NLGN1: variants seen among roughly 807,000 people sequenced by gnomAD.
NLGN1 encodes neuroligin-1.
NLGN1 carries 12 observed loss-of-function variants against 65.5 expected under a neutral mutation model. That is an observed-to-expected ratio of 0.18 (90% confidence interval 0.12 to 0.30). NLGN1 has a LOEUF of 0.30. Ranked by LOEUF, NLGN1 falls within the 10% of genes least tolerant of loss-of-function variation. The pLI is 1.00. For synonymous variants in NLGN1, 350 were observed against 359.5 expected, an observed-to-expected ratio of 0.97 and a Z score of 0.30; for missense variants, 750 against 1,007.1, an observed-to-expected ratio of 0.74 and a Z score of 3.46.
chr3:173,648,602 T>G (rs1025847857), intron 3 of NLGN1, among the ~76,000 whole-genome samples: 33 of 152,038 alleles, frequency 2.2e-4, no homozygotes, highest in African/African-American at 6.5e-4. Flanking sequence ...TTAGACAAAG[T>G]CTCACTTTAT....
intron 2 of NLGN1, among the ~76,000 whole-genome samples, chr3:173,453,431 A>T (rs969840273): frequency 6.6e-6 from 1 of 151,558 alleles, no homozygotes; most frequent in African/African-American, 2.4e-5. Flanking sequence ...ACATTGATTG[A>T]TCCTTCCTTT....
intron 4 of NLGN1, among the ~76,000 whole-genome samples, chr3:174,027,210 A>T (rs780029143): frequency 1.7e-4 from 26 of 152,180 alleles, no homozygotes; most frequent in Non-Finnish European, 3.2e-4. Flanking sequence ...AATGTTCTTT[A>T]TCCAGCTGTC....
At chr3:173,862,318 A>G (rs973149045) in intron 4 of NLGN1, among the ~76,000 whole-genome samples, 1 of 151,326 alleles carries the variant, frequency 6.6e-6, no homozygotes, top group African/African-American at 2.4e-5. Context: ...CATCCCGGCT[A>G]AAACGGTGAA....
At chr3:173,478,784 G>T (rs941437554) in intron 2 of NLGN1, among the ~76,000 whole-genome samples, 8 of 151,986 alleles carry the variant, frequency 5.3e-5, no homozygotes, top group Non-Finnish European at 1.0e-4. Context: ...TACTCCAGGG[G>T]CTGAGGCATG....
intron 5 of NLGN1, among the ~76,000 whole-genome samples, chr3:174,276,427 T>C (rs533457498): frequency 5.3e-5 from 8 of 151,854 alleles, no homozygotes; most frequent in Non-Finnish European, 1.0e-4. Flanking sequence ...TTATGTATGA[T>C]AGGAAGACAG....
At chr3:173,472,900 G>C (rs941279602) in intron 2 of NLGN1, among the ~76,000 whole-genome samples, 2 of 152,096 alleles carry the variant, frequency 1.3e-5, no homozygotes, top group African/African-American at 4.8e-5. Flanking sequence ...TGCCCCTTTA[G>C]GAGTCTGTTG....
intron 3 of NLGN1, among the ~76,000 whole-genome samples, chr3:173,721,608 A>G (rs1770847396): frequency 6.6e-6 from 1 of 152,204 alleles, no homozygotes; most frequent in Non-Finnish European, 1.5e-5. Context: ...TTTATTTTAC[A>G]ACAACCCATT....
At chr3:173,823,559 G>C (rs1326877868) in intron 4 of NLGN1, among the ~76,000 whole-genome samples, 2 of 151,906 alleles carry the variant, frequency 1.3e-5, no homozygotes, top group Non-Finnish European at 2.9e-5. Context: ...CAATACAGTT[G>C]TGCATAACAG....
intron 3 of NLGN1, among the ~76,000 whole-genome samples, chr3:173,624,461 CCT>C (rs1164323739): frequency 6.6e-6 from 1 of 152,066 alleles, no homozygotes; most frequent in Non-Finnish European, 1.5e-5. Context: ...TGCTGTTTTC[CCT>C]GTTTCCAAGA....
intron 1 of NLGN1, among the ~76,000 whole-genome samples, chr3:173,405,416 C>T (rs1209299522): frequency 1.3e-5 from 2 of 151,886 alleles, no homozygotes; most frequent in African/African-American, 4.8e-5. Context: ...ACTATGCCTC[C>T]ACTACTGCTT....
intron 4 of NLGN1, among the ~76,000 whole-genome samples, chr3:174,208,630 A>G (rs1452422961): frequency 2.0e-5 from 3 of 151,310 alleles, no homozygotes; most frequent in African/African-American, 7.3e-5. Context: ...GCCTTCAAAG[A>G]GGTACAACTA....
intron 3 of NLGN1, among the ~76,000 whole-genome samples, chr3:173,620,050 G>A (rs763340431): frequency 1.3e-5 from 2 of 152,100 alleles, no homozygotes; most frequent in Non-Finnish European, 2.9e-5. Flanking sequence ...GGAGCTTGGA[G>A]TATTTCTCTA....
chr3:173,449,988 C>T (rs1161675716), intron 2 of NLGN1, among the ~76,000 whole-genome samples: 4 of 152,166 alleles, frequency 2.6e-5, no homozygotes, highest in Non-Finnish European at 5.9e-5. Context: ...CTGAATACAG[C>T]ACACAGATGG....
At chr3:174,189,899 C>T (rs1176680816) in intron 4 of NLGN1, among the ~76,000 whole-genome samples, 2 of 151,942 alleles carry the variant, frequency 1.3e-5, no homozygotes, top group Non-Finnish European at 2.9e-5. Flanking sequence ...CAGGCCTGCC[C>T]TCCAGGGCCA....
At chr3:174,081,597 G>GTTT (rs58453866) in intron 4 of NLGN1, among the ~76,000 whole-genome samples, 4 of 122,056 alleles carry the variant, frequency 3.3e-5, no homozygotes, top group Non-Finnish European at 5.1e-5. Flanking sequence ...TGATTAGGTT[G>GTTT]TTTTTTTTTT....
intron 3 of NLGN1, among the ~76,000 whole-genome samples, chr3:173,713,007 C>G (rs1207237794): frequency 1.3e-5 from 2 of 152,098 alleles, no homozygotes; most frequent in East Asian, 3.9e-4. Context: ...GACAAAGGGA[C>G]AAATAGACAT....
At chr3:174,040,195 G>A (rs1731975576) in intron 4 of NLGN1, among the ~76,000 whole-genome samples, 1 of 151,852 alleles carries the variant, frequency 6.6e-6, no homozygotes, top group African/African-American at 2.4e-5. Context: ...CAGAGAAAAG[G>A]GACTAGGGGC....
At chr3:174,170,465 C>T (rs975005868) in intron 4 of NLGN1, among the ~76,000 whole-genome samples, 1 of 152,186 alleles carries the variant, frequency 6.6e-6, no homozygotes, top group Non-Finnish European at 1.5e-5. Context: ...TATTGCATTA[C>T]ATCATCAGCC....
intron 4 of NLGN1, among the ~76,000 whole-genome samples, chr3:173,866,214 G>A (rs911346282): frequency 3.3e-5 from 5 of 152,166 alleles, no homozygotes; most frequent in African/African-American, 1.2e-4. Flanking sequence ...TCTGATGTTA[G>A]GAGCAGGCAT....
Sources: allele counts gnomAD v4.1 joint callset (sites outside exome capture counted in the v4.1 genomes callset), GRCh38; gene constraint gnomAD v4.1.1; transcripts MANE v1.5; gene names NCBI Gene and HGNC (gene_info 2026-07-23, HGNC 2026-07-21).